Variants in DMXL1 observed in about 807,000 individuals in gnomAD.
The protein encoded by DMXL1 is dmX-like protein 1.
DMXL1 carries 99 observed loss-of-function variants against 319.2 expected under a neutral mutation model. The observed-to-expected ratio is 0.31, with a 90% CI of 0.26 to 0.37. The LOEUF (loss-of-function observed/expected upper bound fraction) is 0.37. DMXL1 is among the 10% of genes least tolerant of loss of function. DMXL1 has a pLI of 1.00. For synonymous variants in DMXL1, 1,385 were observed against 1,235.2 expected, an observed-to-expected ratio of 1.12 and a Z score of -2.54; for missense variants, 3,745 against 3,595.6, an observed-to-expected ratio of 1.04 and a Z score of -1.06.
At chr5:119,196,346 A>T in intron 30 of DMXL1, 25 bp from the exon 31 acceptor site, 1 of 1,577,496 alleles carries the variant, frequency 6.3e-7, no homozygotes, top group East Asian at 2.2e-5. Context: ...AATAGTTAAC[A>T]GATCCATCGT....
rs1360783588 is a variant in DMXL1, at chr5:119,134,072, G to A, written c.2148G>A (p.Leu716=). The A allele has an allele frequency of 2.5e-6, 4 of 1,614,034 alleles. No individual in the cohort carries two copies. The highest frequency in any genetic ancestry group is 3.4e-6 in the Non-Finnish European group (4 of 1,180,032). ...ILWRVDPVGP[L]SFSGGVSELA... is the part of the protein sequence containing the mutation. Reference sequence around the variant, plus strand: ...GGAGGGTTGACCCAGTTGGGCCATTGTCTTTTTCTGGAGGAGTTTCTGAGC... The same window carrying A: ...GGAGGGTTGACCCAGTTGGGCCATTATCTTTTTCTGGAGGAGTTTCTGAGC... Residue 716 remains leucine, a synonymous_variant, in exon 12 of 44, where the codon TTG becomes TTA. Transcript: ENST00000539542.
At position 119,167,639 on chromosome 5, in the gene DMXL1, C is replaced by A. The variant is rs1773702134; in HGVS notation, c.5173C>A (p.Leu1725Ile). Reference protein sequence around the residue: ...LEKLNDIQLALVIARLYESEF... With the variant: ...LEKLNDIQLAIVIARLYESEF... Reference sequence around the variant, plus strand: ...GAAATTGAATGACATTCAGTTGGCTCTTGTAATAGCAAGACTCTATGAGTC... The same window carrying A: ...GAAATTGAATGACATTCAGTTGGCTATTGTAATAGCAAGACTCTATGAGTC... Residue 1725 changes from leucine (L) to isoleucine (I), a missense_variant, in exon 23 of 44, where the codon CTT (leucine) becomes ATT (isoleucine). Leu to Ile is a conservative substitution (Grantham distance 5). Around this residue, in one of 4 missense-constraint regions of DMXL1, gnomAD observed 1,382 missense variants for 1,269.5 expected, o/e 1.09. Transcript: ENST00000539542. 6.2e-7 allele frequency: 1 copy of A among 1,608,806 alleles called. No individual in the cohort carries two copies. Among genetic ancestry groups the A allele is most frequent in the African/African-American group, 1.3e-5 (1 of 74,724 alleles).
At chr5:119,071,779 C>G (rs1749635482) in intron 1 of DMXL1, 123 bp downstream of exon 1, 6 of 817,696 alleles carry the variant, frequency 7.3e-6, no homozygotes, top group Non-Finnish European at 1.1e-5. Flanking sequence ...GTCCTTACCA[C>G]CCAGAACCCA....
chr5:119,224,785 A>G lies in DMXL1; in HGVS notation c.8338+16A>G, dbSNP rs199772264. ...CTTCCTTACTGTAAGTTGAATAATAATTAGCAATTGTCCTTTCTTATTCTT... is the reference window on the plus strand; with the variant it reads ...CTTCCTTACTGTAAGTTGAATAATAGTTAGCAATTGTCCTTTCTTATTCTT... On this transcript the variant is annotated intron_variant, in intron 38 of 43. Transcript: ENST00000539542. The G allele has an allele frequency of 2.7e-5, 31 of 1,135,128 alleles. No individual in the cohort carries two copies. The highest frequency in any genetic ancestry group is 3.6e-5 in the Non-Finnish European group (30 of 836,948). The allele number at this position is 1,135,128 out of a possible 1,614,324, so 70.3% of individuals were successfully genotyped here. A position where few individuals can be genotyped will look rare whatever the true frequency, so the allele number is the denominator to read the frequency against.
At chr5:119,142,918 A>G (rs940755303) in intron 13 of DMXL1, among the ~76,000 whole-genome samples, 2 of 152,062 alleles carry the variant, frequency 1.3e-5, no homozygotes, top group Non-Finnish European at 2.9e-5. Context: ...TCATAAAGCA[A>G]CTTCTTTATG....
intron 15 of DMXL1, among the ~76,000 whole-genome samples, chr5:119,145,246 A>G (rs889544007): frequency 4.0e-5 from 6 of 151,798 alleles, no homozygotes; most frequent in East Asian, 1.9e-4. Flanking sequence ...ATCAAGATTC[A>G]TATGTTAAAT....
At chr5:119,233,756 C>G (rs1251542487) in intron 39 of DMXL1, among the ~76,000 whole-genome samples, 1 of 152,102 alleles carries the variant, frequency 6.6e-6, no homozygotes, top group Non-Finnish European at 1.5e-5. Context: ...CTCTCTTTAT[C>G]CCTCGGAACC....
chr5:119,086,199 C>A (rs1753321382), intron 1 of DMXL1, among the ~76,000 whole-genome samples: 1 of 152,102 alleles, frequency 6.6e-6, no homozygotes, highest in South Asian at 2.1e-4. Context: ...ATGAAACCAT[C>A]AGATCTCGTG....
intron 4 of DMXL1, among the ~76,000 whole-genome samples, chr5:119,106,303 C>T (rs1758330861): frequency 6.6e-6 from 1 of 152,110 alleles, no homozygotes; most frequent in African/African-American, 2.4e-5. Context: ...ATTATATGGT[C>T]ACAGGTCCAG....
intron 32 of DMXL1, among the ~76,000 whole-genome samples, chr5:119,200,906 G>A (rs1005062000): frequency 3.3e-5 from 5 of 152,200 alleles, no homozygotes; most frequent in African/African-American, 9.6e-5. Context: ...GTGATTTCTT[G>A]TACACTGATT....
At chr5:119,202,939 C>G (rs1308571236) in intron 32 of DMXL1, among the ~76,000 whole-genome samples, 1 of 136,022 alleles carries the variant, frequency 7.4e-6, no homozygotes, top group Non-Finnish European at 1.5e-5. Context: ...AATTTCTTAC[C>G]TTCAGGTTAT....
At chr5:119,224,156 A>G (rs1383014302) in intron 37 of DMXL1, among the ~76,000 whole-genome samples, 1 of 152,058 alleles carries the variant, frequency 6.6e-6, no homozygotes, top group African/African-American at 2.4e-5. Flanking sequence ...AACAAAACCT[A>G]CCTGAGACTG....
In DMXL1 at chr5:119,221,796, T is replaced by A. The variant is rs577273540; in HGVS notation, c.8277+715T>A. Among the ~76,000 whole-genome samples, 135 of 151,674 alleles carry A rather than the reference T, an allele frequency of 8.9e-4. 1 individual carries two copies. The highest frequency in any genetic ancestry group is 3.1e-3 in the African/African-American group (128 of 41,304). On this transcript the variant is annotated intron_variant, in intron 37 of 43. Transcript: ENST00000539542. ...AGGACAAATATTCTTTTTTTTTTTTTAACAAAAACAATATATAATTTCTTA... is the reference window on the plus strand; with the variant it reads ...AGGACAAATATTCTTTTTTTTTTTTAAACAAAAACAATATATAATTTCTTA...
At chr5:119,221,144 G>A in intron 37 of DMXL1, 63 bp downstream of exon 37, 1 of 1,185,454 alleles carries the variant, frequency 8.4e-7, no homozygotes, top group Admixed American at 2.6e-5. Context: ...CTAGGTTAAT[G>A]GATAAAGGAT....
intron 5 of DMXL1, 149 bp from the exon 6 acceptor site, chr5:119,114,326 G>A (rs1397149803): frequency 1.6e-6 from 1 of 635,562 alleles, no homozygotes; most frequent in African/African-American, 1.9e-5. Flanking sequence ...TTACTAACTA[G>A]TTCATTTTTC....
At chr5:119,185,238 A>G (rs1390255643) in intron 28 of DMXL1, among the ~76,000 whole-genome samples, 4 of 151,056 alleles carry the variant, frequency 2.6e-5, no homozygotes, top group Admixed American at 6.6e-5. Flanking sequence ...CTTTCCCCCT[A>G]TTTATCAAAA....
At chr5:119,187,655 GTGTTGTTTTTGTTGT>G (rs940862090) in intron 28 of DMXL1, among the ~76,000 whole-genome samples, 2 of 152,006 alleles carry the variant, frequency 1.3e-5, no homozygotes, top group Non-Finnish European at 2.9e-5. Flanking sequence ...TTCATTAAAA[GTGTTGTTTTTGTTGT>G]TGTTGTTTTT....
chr5:119,221,551 A>G (rs1784649283), intron 37 of DMXL1, among the ~76,000 whole-genome samples: 1 of 152,194 alleles, frequency 6.6e-6, no homozygotes, highest in Admixed American at 6.5e-5. Flanking sequence ...AAAGTTTTAT[A>G]GGAACACAGC....
chr5:119,151,521 C>T (rs953711463), intron 18 of DMXL1, among the ~76,000 whole-genome samples: 1 of 152,048 alleles, frequency 6.6e-6, no homozygotes, highest in African/African-American at 2.4e-5. Context: ...GAAAAAATAT[C>T]AGGCCCTCCC....
Sources: allele counts gnomAD v4.1 joint callset (sites outside exome capture counted in the v4.1 genomes callset), GRCh38; gene constraint gnomAD v4.1.1; regional missense constraint gnomAD v4.1.1; transcripts MANE v1.5; gene names NCBI Gene and HGNC (gene_info 2026-07-23, HGNC 2026-07-21).